Variants in RTN3 observed in about 807,000 individuals in gnomAD.
The protein encoded by RTN3 is reticulon-3.
In RTN3, 49 loss-of-function variants were observed where a neutral mutation model predicts 77.8. The ratio of observed to expected loss-of-function variants is 0.63; its 90% CI spans 0.50 to 0.80. RTN3 has a LOEUF of 0.80. RTN3 is among the 30% of genes least tolerant of loss of function. The probability of loss-of-function intolerance (pLI) is 0.00; values close to 1 mark genes in which losing one functional copy is unlikely to be tolerated. For missense variants in RTN3, 1,236 were observed against 1,211.9 expected (o/e 1.02, Z -0.29); for synonymous variants, 464 against 446.9 (o/e 1.04, Z -0.48).
At chr11:63,724,426 G>A (rs1375109790) in intron 3 of RTN3, among the ~76,000 whole-genome samples, 3 of 145,942 alleles carry the variant, frequency 2.1e-5, no homozygotes, top group African/African-American at 7.6e-5. Context: ...CTGGTGATCT[G>A]CCCACCTCGG....
intron 1 of RTN3, among the ~76,000 whole-genome samples, chr11:63,686,877 A>G (rs1941404089): frequency 6.6e-6 from 1 of 152,164 alleles, no homozygotes; most frequent in African/African-American, 2.4e-5. Flanking sequence ...ATGCCAAAAT[A>G]AAACTACATT....
intron 1 of RTN3, among the ~76,000 whole-genome samples, chr11:63,696,106 A>C (rs1348693535): frequency 6.6e-6 from 1 of 151,944 alleles, no homozygotes; most frequent in East Asian, 1.9e-4. Context: ...AAAAAAAAAA[A>C]AACCTATTTT....
intron 6 of RTN3, 93 bp from the exon 7 acceptor site, chr11:63,753,569 A>G: frequency 8.4e-7 from 1 of 1,184,488 alleles, no homozygotes. Context: ...GTTTTCCTGT[A>G]TTTTTTGAGG....
At chr11:63,745,407 G>A (rs2013736424) in intron 3 of RTN3, among the ~76,000 whole-genome samples, 1 of 152,226 alleles carries the variant, frequency 6.6e-6, no homozygotes, top group Non-Finnish European at 1.5e-5. Context: ...AAATAAAGCT[G>A]TTAAAGGGAA....
At position 63,752,535 on chromosome 11, in the gene RTN3, T is replaced by C; in HGVS notation, c.2767T>C (p.Ser923Pro). 6.2e-7 allele frequency: 1 copy of C among 1,613,658 alleles called. No homozygotes were observed. Among genetic ancestry groups the C allele is most frequent in the South Asian group, 1.1e-5 (1 of 91,072 alleles). ...CTACCTGGACGTAGACATTACTCTG[T>C]CCTCAGAAGCTTTCCATAATTACAT... ...KAYLDVDITL[S>P]SEAFHNYMNA... is the part of the protein sequence containing the mutation. The change falls in exon 5 of 9, where the codon TCC (serine) becomes CCC (proline). Residue 923 changes from serine to proline, a missense_variant. Ser to Pro is a moderately conservative substitution (Grantham distance 74). This residue lies in a region of RTN3 where 141 missense variants were observed against 154.9 expected (regional missense o/e 0.91). Transcript: ENST00000377819.
intron 3 of RTN3, among the ~76,000 whole-genome samples, chr11:63,733,120 G>A (rs2012811303): frequency 6.6e-6 from 1 of 151,750 alleles, no homozygotes. Context: ...TTCAAAACCA[G>A]CCTGGCCAAC....
intron 3 of RTN3, among the ~76,000 whole-genome samples, chr11:63,727,104 C>T (rs996239441): frequency 1.3e-5 from 2 of 151,978 alleles, no homozygotes; most frequent in Admixed American, 6.6e-5. Flanking sequence ...GGGTGCAGAT[C>T]GCACCACTGC....
At chr11:63,755,651 CAAAAAAAAAAAAA>C (rs776039864) in intron 7 of RTN3, among the ~76,000 whole-genome samples, 20 of 17,060 alleles carry the variant, frequency 1.2e-3, no homozygotes, top group Admixed American at 8.7e-3. Flanking sequence ...AATTCCATCT[CAAAAAAAAAAAAA>C]AAAAAAAAAA....
At chr11:63,754,655 G>T in intron 7 of RTN3, among the ~76,000 whole-genome samples, 1 of 133,050 alleles carries the variant, frequency 7.5e-6, no homozygotes. Context: ...AGCCGAGATT[G>T]CACCACTGCA....
At chr11:63,681,865 G>A (rs1420492000) in intron 1 of RTN3, 87 bp downstream of exon 1, 2 of 1,359,506 alleles carry the variant, frequency 1.5e-6, no homozygotes, top group Admixed American at 2.9e-5. Context: ...GGCGGGAGGA[G>A]GACGAATTAC....
At chr11:63,732,425 T>C (rs1369323457) in intron 3 of RTN3, among the ~76,000 whole-genome samples, 1 of 152,040 alleles carries the variant, frequency 6.6e-6, no homozygotes, top group Non-Finnish European at 1.5e-5. Flanking sequence ...TCCTCCCACC[T>C]TGGCCTCCTA....
At chr11:63,712,507 A>G (rs1302184946) in intron 2 of RTN3, among the ~76,000 whole-genome samples, 2 of 119,220 alleles carry the variant, frequency 1.7e-5, no homozygotes, top group Non-Finnish European at 1.7e-5. Context: ...TTTTTTTGAG[A>G]TGGAGTCTCA....
chr11:63,719,595 C>G lies in RTN3; in HGVS notation c.1093C>G (p.Leu365Val). The change falls in exon 3 of 9, where the codon CTT (leucine) becomes GTT (valine). Residue 365 changes from leucine to valine, a missense_variant. Coordinates refer to ENST00000377819, the MANE Select transcript of RTN3 (RefSeq NM_001265589.2). ...TGACTGCATCACAAAAACTACAGGACTTGACATGAGTGAATATAATTCAGA... is the reference window on the plus strand; with the variant it reads ...TGACTGCATCACAAAAACTACAGGAGTTGACATGAGTGAATATAATTCAGA... The part of the protein sequence containing the change: ...SSDCITKTTG[L>V]DMSEYNSEIP... 1 of 1,614,058 alleles carries G rather than the reference C, an allele frequency of 6.2e-7. No individual in the cohort carries two copies. Among genetic ancestry groups the G allele is most frequent in the Non-Finnish European group, 8.5e-7 (1 of 1,180,018 alleles).
In RTN3 at chr11:63,719,973, A is replaced by G. The variant is rs1416484121; in HGVS notation, c.1471A>G (p.Ile491Val). 1 of 1,614,056 alleles carries G rather than the reference A, an allele frequency of 6.2e-7. No individual in the cohort carries two copies. The highest frequency in any genetic ancestry group is 8.5e-7 in the Non-Finnish European group (1 of 1,180,034). The change falls in exon 3 of 9, where the codon ATC (isoleucine) becomes GTC (valine). Residue 491 changes from isoleucine (I) to valine (V), a missense_variant. By Grantham distance (29) the Ile-to-Val change is conservative. This residue lies in a region of RTN3 where 1,056 missense variants were observed against 990.4 expected (regional missense o/e 1.07). Coordinates refer to ENST00000377819, the MANE Select transcript of RTN3 (RefSeq NM_001265589.2). ...MDWQSSALGE[I>V]TEADSSGESD... ...CTGGCAGAGCTCTGCATTGGGAGAA[A>G]TCACAGAAGCTGATAGTTCTGGTGA...
intron 3 of RTN3, among the ~76,000 whole-genome samples, chr11:63,744,240 C>CAAAAAAAAAAA (rs71468642): frequency 1.6e-5 from 1 of 63,626 alleles, no homozygotes; most frequent in African/African-American, 7.8e-5. Flanking sequence ...GACTCTGTCT[C>CAAAAAAAAAAA]AAAAAAAAAA....
intron 3 of RTN3, chr11:63,747,067 G>A (rs1255285095): frequency 2.0e-5 from 9 of 455,132 alleles, no homozygotes; most frequent in Non-Finnish European, 4.0e-5. Context: ...TGACATTTTT[G>A]AAGACTATAG....
At chr11:63,684,494 T>G (rs1252784385) in intron 1 of RTN3, among the ~76,000 whole-genome samples, 1 of 152,036 alleles carries the variant, frequency 6.6e-6, no homozygotes, top group Non-Finnish European at 1.5e-5. Context: ...GGTTTTGCCA[T>G]GTTGGCCAGG....
At chr11:63,704,797 G>C in intron 1 of RTN3, 54 bp from the exon 2 acceptor site, 3 of 1,341,878 alleles carry the variant, frequency 2.2e-6, no homozygotes, top group Non-Finnish European at 2.1e-6. Flanking sequence ...GAAAGTTAAA[G>C]TTAAAATTCC....
chr11:63,718,685 T>G lies in RTN3; in HGVS notation c.200-17T>G. 1 of 1,523,454 alleles carries G rather than the reference T, an allele frequency of 6.6e-7. No individual in the cohort carries two copies. The highest frequency in any genetic ancestry group is 8.8e-7 in the Non-Finnish European group (1 of 1,140,532). 94.4% of individuals were successfully genotyped at this position (1,523,454 alleles called of 1,614,324 possible). A position where few individuals can be genotyped will look rare whatever the true frequency, so the allele number is the denominator to read the frequency against. On this transcript the variant is annotated splice_polypyrimidine_tract_variant and intron_variant, in intron 2 of 8. Coordinates refer to ENST00000377819, the MANE Select transcript of RTN3 (RefSeq NM_001265589.2). ...GTACCTGGTAAACAATTTTTTTCTTTGAAATTCTGATCATAGAGGGATTGA... is the reference window on the plus strand; with the variant it reads ...GTACCTGGTAAACAATTTTTTTCTTGGAAATTCTGATCATAGAGGGATTGA...
Sources: allele counts gnomAD v4.1 joint callset (sites outside exome capture counted in the v4.1 genomes callset), GRCh38; gene constraint gnomAD v4.1.1; regional missense constraint gnomAD v4.1.1; transcripts MANE v1.5; gene names NCBI Gene and HGNC (gene_info 2026-07-23, HGNC 2026-07-21).